Variants in LRIG1 observed in about 807,000 individuals in gnomAD.
The protein encoded by LRIG1 is leucine-rich repeats and immunoglobulin-like domains protein 1.
Under a neutral mutation model 99.2 loss-of-function variants are expected in LRIG1, and 48 were observed. That is an observed-to-expected ratio of 0.48 (90% confidence interval 0.38 to 0.62). The LOEUF (loss-of-function observed/expected upper bound fraction) is 0.62, where lower values mean the gene tolerates loss of function less well. Among genes scored for constraint, LRIG1 ranks in the 20% least tolerant of loss-of-function variants. LRIG1 has a pLI of 0.00. For synonymous variants in LRIG1, 772 were observed against 596.1 expected, an observed-to-expected ratio of 1.29 and a Z score of -4.30; for missense variants, 1,646 against 1,434.4, an observed-to-expected ratio of 1.15 and a Z score of -2.38.
At chr3:66,386,426 A>G (rs1431972180) in intron 12 of LRIG1, 125 bp from the exon 13 acceptor site, 12 of 758,150 alleles carry the variant, frequency 1.6e-5, no homozygotes, top group Non-Finnish European at 2.6e-5. Flanking sequence ...GTCCCTGTGC[A>G]TCCTCAGCCC....
At chr3:66,405,082 A>G (rs1013138933) in intron 9 of LRIG1, 116 bp downstream of exon 9, 4 of 844,142 alleles carry the variant, frequency 4.7e-6, no homozygotes, top group Non-Finnish European at 7.7e-6. Flanking sequence ...AACAAAAGCC[A>G]GCTCCTCTTC....
At chr3:66,410,043 G>T (rs375151330) in intron 7 of LRIG1, 86 bp downstream of exon 7, 1 of 1,417,668 alleles carries the variant, frequency 7.1e-7, no homozygotes, top group Non-Finnish European at 9.6e-7. Flanking sequence ...CGAGGCCACT[G>T]TGTGGTGGAA....
intron 1 of LRIG1, among the ~76,000 whole-genome samples, chr3:66,481,749 G>A (rs972787005): frequency 4.6e-5 from 7 of 152,154 alleles, no homozygotes; most frequent in Non-Finnish European, 8.8e-5. Context: ...ACAAATAAAC[G>A]AGAAGGGATG....
At chr3:66,492,416 T>C (rs868150844) in intron 1 of LRIG1, among the ~76,000 whole-genome samples, 1 of 151,266 alleles carries the variant, frequency 6.6e-6, no homozygotes, top group East Asian at 1.9e-4. Context: ...TTGTGAGTTG[T>C]TTTTTTTCTA....
At chr3:66,384,365 A>G (rs910523149) in intron 13 of LRIG1, 93 bp from the exon 14 acceptor site, 3 of 1,350,444 alleles carry the variant, frequency 2.2e-6, no homozygotes, top group Non-Finnish European at 3.1e-6. Flanking sequence ...CACTGTGCCC[A>G]GTGCCAGTTC....
Position 66,383,182 on chromosome 3 carries a change from T to C in LRIG1, c.2291A>G (p.Glu764Gly). The C allele has an allele frequency of 1.9e-6, 3 of 1,614,216 alleles. No homozygotes were observed. The highest frequency in any genetic ancestry group is 2.5e-6 in the Non-Finnish European group (3 of 1,180,038). ...CTCCGTGCCCAGGGTGTTGGACATC[T>C]CACAGGTATATCGGCCCGCATCCTC... The part of the protein sequence containing the change: ...VAEDAGRYTC[E>G]MSNTLGTERA... Residue 764 changes from glutamate to glycine, a missense_variant, in exon 15 of 19, where the codon GAG (glutamate) becomes GGG (glycine). By Grantham distance (98) the Glu-to-Gly change is moderately conservative (BLOSUM62 -2). Coordinates refer to ENST00000273261, the MANE Select transcript of LRIG1 (RefSeq NM_015541.3).
In LRIG1 at chr3:66,384,084, T is replaced by C. The variant is rs1245842348; in HGVS notation, c.1978A>G (p.Thr660Ala). ...CCTGCGTCATCTATTTTCACATCAG[T>C]GATGAAAAACACGTCGTCATCCGGC... ...VMPDDDVFFI[T>A]DVKIDDAGVY... is the part of the protein sequence containing the mutation. The change falls in exon 14 of 19, where the codon ACT becomes GCT. Residue 660 changes from threonine to alanine, a missense_variant. Thr to Ala is a moderately conservative substitution (Grantham distance 58). Coordinates refer to ENST00000273261, the MANE Select transcript of LRIG1 (RefSeq NM_015541.3). The C allele has an allele frequency of 3.1e-6, 5 of 1,613,990 alleles. No individual in the cohort carries two copies. In the Admixed American group the frequency reaches 8.3e-5, roughly 27 times the overall value.
chr3:66,450,218 G>A (rs1163453237), intron 3 of LRIG1, among the ~76,000 whole-genome samples: 1 of 152,134 alleles, frequency 6.6e-6, no homozygotes, highest in Non-Finnish European at 1.5e-5. Context: ...CACAGAAACA[G>A]AGACTGACTC....
At chr3:66,459,360 C>T (rs990440165) in intron 2 of LRIG1, among the ~76,000 whole-genome samples, 7 of 152,224 alleles carry the variant, frequency 4.6e-5, no homozygotes, top group Non-Finnish European at 8.8e-5. Context: ...ACCATGCCTG[C>T]CCCTGATAGA....
chr3:66,485,322 C>T (rs1410611488), intron 1 of LRIG1, among the ~76,000 whole-genome samples: 1 of 152,194 alleles, frequency 6.6e-6, no homozygotes, highest in African/African-American at 2.4e-5. Flanking sequence ...TACAGAGCCA[C>T]AAATCCAAGG....
intron 11 of LRIG1, 71 bp from the exon 12 acceptor site, chr3:66,394,274 T>C (rs1298394849): frequency 7.7e-7 from 1 of 1,299,704 alleles, no homozygotes; most frequent in African/African-American, 1.5e-5. Flanking sequence ...ACACACACAA[T>C]GATCAGTCGC....
At chr3:66,416,946 C>G (rs1340419172) in intron 4 of LRIG1, among the ~76,000 whole-genome samples, 183 bp downstream of exon 4, 2 of 152,252 alleles carry the variant, frequency 1.3e-5, no homozygotes, top group Non-Finnish European at 1.5e-5. Flanking sequence ...TGGACGTGCT[C>G]TATGCATGGG....
rs1559776337 is a variant in LRIG1, at chr3:66,397,712, G to A, written c.1304+400C>T. Among the ~76,000 whole-genome samples, 4 of 152,302 alleles carry A rather than the reference G, an allele frequency of 2.6e-5. No individual in the cohort carries two copies. In the East Asian group the frequency reaches 5.8e-4, roughly 22 times the overall value. On this transcript the variant is annotated intron_variant, in intron 11 of 18. Coordinates refer to ENST00000273261, the MANE Select transcript of LRIG1 (RefSeq NM_015541.3). ...TGCTCACAGCCCACCAGGCTCTGAAGTAGACCCTCTCAACACAGGCCTTTA... is the reference window on the plus strand; with the variant it reads ...TGCTCACAGCCCACCAGGCTCTGAAATAGACCCTCTCAACACAGGCCTTTA...
chr3:66,383,883 T>G, intron 14 of LRIG1, 108 bp downstream of exon 14: 1 of 1,440,850 alleles, frequency 6.9e-7, no homozygotes, highest in South Asian at 1.5e-5. Flanking sequence ...TCAAACAGGG[T>G]CGAAAGGCCC....
At chr3:66,491,749 T>C (rs1253453893) in intron 1 of LRIG1, among the ~76,000 whole-genome samples, 2 of 152,002 alleles carry the variant, frequency 1.3e-5, no homozygotes, top group Non-Finnish European at 2.9e-5. Context: ...AATAAATAAA[T>C]AACATGGAAG....
intron 2 of LRIG1, among the ~76,000 whole-genome samples, chr3:66,456,025 G>A (rs935682489): frequency 2.6e-5 from 4 of 152,190 alleles, no homozygotes; most frequent in African/African-American, 9.7e-5. Flanking sequence ...GGAAACTGAG[G>A]CACAGTTACA....
chr3:66,417,260 G>T lies in LRIG1; in HGVS notation c.372C>A (p.His124Gln), dbSNP rs762227801. 1 of 1,613,756 alleles carries T rather than the reference G, an allele frequency of 6.2e-7. No homozygotes were observed. The highest frequency in any genetic ancestry group is 8.5e-7 in the Non-Finnish European group (1 of 1,179,778). ...SSHVVSLFLQHNKIRSVEGSQ... is the reference protein window; with the variant it reads ...SSHVVSLFLQQNKIRSVEGSQ... ...TCCCCTCCACGCTGCGAATCTTGTT[G>T]TGCTGCCTGAAACACAACAAGGGAG... The change falls in exon 4 of 19, where the codon CAC becomes CAA. Residue 124 changes from histidine (H) to glutamine (Q), a missense_variant. Coordinates refer to ENST00000273261, the MANE Select transcript of LRIG1 (RefSeq NM_015541.3).
At chr3:66,455,111 A>AT (rs558627149) in intron 2 of LRIG1, among the ~76,000 whole-genome samples, 27 of 152,050 alleles carry the variant, frequency 1.8e-4, no homozygotes, top group Non-Finnish European at 3.4e-4. Context: ...CACTCAGCTA[A>AT]TTTTTTTATT....
intron 3 of LRIG1, among the ~76,000 whole-genome samples, chr3:66,443,851 C>T (rs911740005): frequency 1.3e-5 from 2 of 152,168 alleles, no homozygotes; most frequent in African/African-American, 4.8e-5. Context: ...TCTCTTTTGC[C>T]CACTGTTGAC....
Sources: gnomAD v4.1 joint callset for allele counts (sites outside exome capture counted in the v4.1 genomes callset) on GRCh38, gnomAD v4.1.1 for gene constraint, MANE v1.5 for transcripts, NCBI Gene and HGNC (gene_info 2026-07-23, HGNC 2026-07-21) for gene names.